Variants in DNAH14 observed in about 807,000 individuals in gnomAD.
The protein encoded by DNAH14 is dynein axonemal heavy chain 14.
Under a neutral mutation model 520.9 loss-of-function variants are expected in DNAH14, and 478 were observed. The ratio of observed to expected loss-of-function variants is 0.92; its 90% CI spans 0.85 to 0.99. The LOEUF is 0.99. Ranked by LOEUF, DNAH14 falls within the 50% of genes least tolerant of loss-of-function variation. The probability of loss-of-function intolerance (pLI) is 0.00; values close to 1 mark genes in which losing one functional copy is unlikely to be tolerated. For synonymous variants in DNAH14, 1,581 were observed against 1,757.2 expected, an observed-to-expected ratio of 0.90 and a Z score of 2.51; for missense variants, 4,831 against 5,234.5, an observed-to-expected ratio of 0.92 and a Z score of 2.38.
chr1:224,947,900 A>G (rs529080502), intron 1 of DNAH14, among the ~76,000 whole-genome samples: 2 of 152,164 alleles, frequency 1.3e-5, no homozygotes, highest in East Asian at 1.9e-4. Context: ...AATTTGGGCT[A>G]TATGATGATA....
intron 76 of DNAH14, among the ~76,000 whole-genome samples, chr1:225,367,199 C>CA (rs1392011177): frequency 6.6e-6 from 1 of 152,106 alleles, no homozygotes; most frequent in Non-Finnish European, 1.5e-5. Flanking sequence ...GCCACACTCT[C>CA]AAAAAAGCCC....
intron 42 of DNAH14, among the ~76,000 whole-genome samples, chr1:225,234,389 CA>C (rs570610837): frequency 3.3e-4 from 50 of 152,218 alleles, no homozygotes; most frequent in Non-Finnish European, 6.2e-4. Context: ...GTGGTTTCAC[CA>C]TGTTAGCCAG....
intron 40 of DNAH14, among the ~76,000 whole-genome samples, chr1:225,206,381 T>C (rs1193633193): frequency 6.6e-6 from 1 of 152,220 alleles, no homozygotes; most frequent in African/African-American, 2.4e-5. Context: ...GTTTTAATAC[T>C]ACTCTTAGTA....
chr1:225,092,949 TAC>T (rs936044039), intron 21 of DNAH14, among the ~76,000 whole-genome samples: 2 of 152,122 alleles, frequency 1.3e-5, no homozygotes. Flanking sequence ...TCTGAGTGCA[TAC>T]AACCTCCAAA....
intron 41 of DNAH14, among the ~76,000 whole-genome samples, chr1:225,211,792 T>G (rs960414639): frequency 1.3e-5 from 2 of 152,052 alleles, no homozygotes; most frequent in Non-Finnish European, 2.9e-5. Context: ...TAACAGTATA[T>G]CTCTCTGCAG....
At chr1:225,210,969 A>G (rs1269574148) in intron 41 of DNAH14, among the ~76,000 whole-genome samples, 2 of 152,194 alleles carry the variant, frequency 1.3e-5, no homozygotes, top group Admixed American at 1.3e-4. Context: ...ATCAACAGAA[A>G]GTAAGTCCAC....
intron 15 of DNAH14, among the ~76,000 whole-genome samples, chr1:225,045,663 G>A (rs934941570): frequency 1.3e-5 from 2 of 152,058 alleles, no homozygotes; most frequent in Admixed American, 1.3e-4. Flanking sequence ...TATACATCTT[G>A]AGGGAGAATA....
intron 8 of DNAH14, among the ~76,000 whole-genome samples, chr1:225,002,067 T>C (rs2063812077): frequency 6.6e-6 from 1 of 152,124 alleles, no homozygotes; most frequent in African/African-American, 2.4e-5. Flanking sequence ...ATATTTTCTG[T>C]ATATTATGAG....
intron 37 of DNAH14, among the ~76,000 whole-genome samples, chr1:225,186,261 A>G (rs1189549793): frequency 2.0e-5 from 3 of 151,758 alleles, no homozygotes; most frequent in African/African-American, 7.2e-5. Context: ...CTTCGAGATT[A>G]TACATGTAGT....
At chr1:224,937,496 A>T (rs569362708) in intron 1 of DNAH14, among the ~76,000 whole-genome samples, 24 of 152,176 alleles carry the variant, frequency 1.6e-4, no homozygotes, top group African/African-American at 5.5e-4. Flanking sequence ...CAATCTAATC[A>T]AAGAAATGAA....
chr1:225,078,636 C>T (rs954365751), intron 17 of DNAH14, among the ~76,000 whole-genome samples: 5 of 152,026 alleles, frequency 3.3e-5, no homozygotes, highest in Non-Finnish European at 7.4e-5. Context: ...AAATTGTAAT[C>T]CCCACATGTT....
In DNAH14 at chr1:225,080,869, A is replaced by T. The variant is rs1232189019; in HGVS notation, c.3136+121A>T. ...TTCTCAGGTTGACCATTATGGCTAG[A>T]GCTACAATACAGGAGTATAGGTAGG... On this transcript the variant is annotated intron_variant, in intron 19 of 85. Transcript: ENST00000682510. 3.8e-6 allele frequency: 4 copies of T among 1,052,720 alleles called. No homozygotes were observed. In the East Asian group the frequency reaches 7.9e-5, roughly 21 times the overall value. 65.2% of individuals were successfully genotyped at this position (1,052,720 alleles called of 1,614,324 possible).
In DNAH14 at chr1:224,990,207, G is replaced by A. The variant is rs139824810; in HGVS notation, c.831-12576G>A. ...TATTTTACATTGACAGATTATAGTC[G>A]TATATATTTATGGGATACACAATGA... On this transcript the variant is annotated intron_variant, in intron 8 of 85. Transcript: ENST00000682510. Among the ~76,000 whole-genome samples, 238 of 151,986 alleles carry A rather than the reference G, an allele frequency of 1.6e-3. 2 individuals carry two copies. The highest frequency in any genetic ancestry group is 6.8e-3 in the Middle Eastern group (2 of 292).
chr1:225,140,138 T>C (rs1246802114), intron 27 of DNAH14, among the ~76,000 whole-genome samples: 1 of 152,212 alleles, frequency 6.6e-6, no homozygotes, highest in Admixed American at 6.5e-5. Flanking sequence ...CCTGAATGAA[T>C]TCACTGTGCC....
intron 16 of DNAH14, 77 bp from the exon 17 acceptor site, chr1:225,051,374 A>C: frequency 9.3e-7 from 1 of 1,073,194 alleles, no homozygotes; most frequent in Non-Finnish European, 1.3e-6. Flanking sequence ...ATTTTGTCAG[A>C]AACTATTAGC....
At chr1:225,010,756 A>C (rs1473945424) in intron 10 of DNAH14, among the ~76,000 whole-genome samples, 1 of 152,154 alleles carries the variant, frequency 6.6e-6, no homozygotes, top group Non-Finnish European at 1.5e-5. Context: ...GCTATTAATT[A>C]CTGCCTCAAT....
chr1:224,968,463 C>G (rs2061324625), intron 6 of DNAH14, among the ~76,000 whole-genome samples: 1 of 152,094 alleles, frequency 6.6e-6, no homozygotes, highest in African/African-American at 2.4e-5. Flanking sequence ...AATTATGAGA[C>G]TCAAATCTGA....
intron 43 of DNAH14, among the ~76,000 whole-genome samples, chr1:225,246,801 C>T (rs985330439): frequency 6.6e-6 from 1 of 152,142 alleles, no homozygotes; most frequent in Non-Finnish European, 1.5e-5. Flanking sequence ...TTAGCTCAAT[C>T]GTTGTGGAAG....
intron 31 of DNAH14, among the ~76,000 whole-genome samples, chr1:225,150,340 T>C (rs1484606719): frequency 6.6e-6 from 1 of 152,208 alleles, no homozygotes; most frequent in African/African-American, 2.4e-5. Flanking sequence ...ATGAAGGATA[T>C]TGGCCTGAAG....
Sources: gnomAD v4.1 joint callset for allele counts (sites outside exome capture counted in the v4.1 genomes callset) on GRCh38, gnomAD v4.1.1 for gene constraint, MANE v1.5 for transcripts, NCBI Gene and HGNC (gene_info 2026-07-23, HGNC 2026-07-21) for gene names.